RAP1GAP: variants seen among roughly 807,000 people sequenced by gnomAD.
RAP1GAP encodes RAP1 GTPase activating protein.
A neutral mutation model predicts 87.2 loss-of-function variants in RAP1GAP; 35 were observed. The ratio of observed to expected loss-of-function variants is 0.40; its 90% CI spans 0.31 to 0.53. The LOEUF is 0.53. RAP1GAP is among the 20% of genes least tolerant of loss of function. The pLI, the probability that RAP1GAP is intolerant of heterozygous loss-of-function variation, is 0.48. For synonymous variants in RAP1GAP, 375 were observed against 363.9 expected (o/e 1.03, Z -0.35); for missense variants, 734 against 898.9 (o/e 0.82, Z 2.35).
intron 16 of RAP1GAP, 111 bp downstream of exon 16, chr1:21,608,739 C>A: frequency 9.2e-7 from 1 of 1,082,736 alleles, no homozygotes; most frequent in Non-Finnish European, 1.4e-6. Flanking sequence ...CCCCAGGTGT[C>A]CCCGCTAAGG....
chr1:21,639,784 G>C (rs972648271), intron 2 of RAP1GAP, among the ~76,000 whole-genome samples: 16 of 152,126 alleles, frequency 1.1e-4, no homozygotes, highest in Non-Finnish European at 1.3e-4. Context: ...GGCAGCGTCT[G>C]ACACTTTTCC....
chr1:21,614,116 A>G, intron 7 of RAP1GAP, 27 bp from the exon 8 acceptor site: 1 of 1,493,628 alleles, frequency 6.7e-7, no homozygotes, highest in Non-Finnish European at 9.2e-7. Context: ...GGGCCAGGGG[A>G]GTGGGTGAGG....
Position 21,617,511 on chromosome 1 carries a change from A to C in RAP1GAP, c.106-20T>G, listed in dbSNP as rs1423792391. The C allele has an allele frequency of 6.3e-7, 1 of 1,578,722 alleles. No homozygotes were observed. Among genetic ancestry groups the C allele is most frequent in the Admixed American group, 1.8e-5 (1 of 54,228 alleles). ...CAAGACCTGAAGAGGGACTCAGCTG[A>C]GAGCCACCCCACACTGTACCCCACT... On this transcript the variant is annotated intron_variant, in intron 6 of 24. Transcript: ENST00000374765.
intron 1 of RAP1GAP, chr1:21,667,490 G>A (rs957143408): frequency 5.3e-5 from 8 of 152,268 alleles, no homozygotes; most frequent in Admixed American, 3.3e-4. Flanking sequence ...CACCATTATG[G>A]TGCTCCACGG....
intron 1 of RAP1GAP, among the ~76,000 whole-genome samples, chr1:21,665,958 C>T (rs1422303970): frequency 6.6e-6 from 1 of 152,244 alleles, no homozygotes; most frequent in East Asian, 1.9e-4. Flanking sequence ...TTTCCTCATC[C>T]CCCAGCCAGG....
At chr1:21,608,698 C>G (rs1171750030) in intron 16 of RAP1GAP, 152 bp downstream of exon 16, 1 of 780,016 alleles carries the variant, frequency 1.3e-6, no homozygotes, top group Non-Finnish European at 2.1e-6. Context: ...TTCCTCTCCC[C>G]GACCTCCTAC....
chr1:21,598,979 G>A (rs960545076), intron 21 of RAP1GAP, among the ~76,000 whole-genome samples: 4 of 152,252 alleles, frequency 2.6e-5, no homozygotes, highest in Non-Finnish European at 4.4e-5. Context: ...AGGGTGTTCC[G>A]GGCAAAGCCC....
rs1290449420 is a variant in RAP1GAP at position 21,668,962 on chromosome 1, G to A, written c.-149+292C>T. Among the ~76,000 whole-genome samples, 1 of 151,608 alleles carries A rather than the reference G, an allele frequency of 6.6e-6. No individual in the cohort carries two copies. The highest frequency in any genetic ancestry group is 1.5e-5 in the Non-Finnish European group (1 of 67,722). On this transcript the variant is annotated intron_variant, in intron 1 of 24. Coordinates refer to ENST00000374765, the MANE Select transcript of RAP1GAP (RefSeq NM_002885.4). The surrounding 1 kb of genome is among the most constrained non-coding windows in gnomAD (Gnocchi z 6.2). ...GAAAACTGGACTCCCCACCCACCCA[G>A]GGGGGTGGGACCAAAGCCCCCTGGC...
chr1:21,613,871 C>A lies in RAP1GAP; in HGVS notation c.395+115G>T. On this transcript the variant is annotated intron_variant, in intron 8 of 24. Coordinates refer to ENST00000374765, the MANE Select transcript of RAP1GAP (RefSeq NM_002885.4). The surrounding 1 kb of genome is among the most constrained non-coding windows in gnomAD (Gnocchi z 4.7). Reference sequence around the variant, plus strand: ...TACTAACTTGCTGTGCAACCTCAAGCAAATCCCTGCCCCTCTATGGGCCTT... The same window carrying A: ...TACTAACTTGCTGTGCAACCTCAAGAAAATCCCTGCCCCTCTATGGGCCTT... 2 of 1,178,540 alleles carry A rather than the reference C, an allele frequency of 1.7e-6. No individual in the cohort carries two copies. The highest frequency in any genetic ancestry group is 2.4e-6 in the Non-Finnish European group (2 of 817,408). The allele number at this position is 1,178,540 out of a possible 1,614,324, so 73.0% of individuals were successfully genotyped here.
Position 21,598,015 on chromosome 1 carries a change from C to T in RAP1GAP, c.1929G>A (p.Ala643=), listed in dbSNP as rs143193492. 55 of 1,583,338 alleles carry T rather than the reference C, an allele frequency of 3.5e-5. No individual in the cohort carries two copies. The South Asian group carries it at 4.4e-4, about 13-fold the overall frequency. ...HPDAGKLGDP[A]CPEIKIQLEA... is the part of the protein sequence containing the mutation. ...CCAGCTGGATCTTGATCTCGGGACA[C>T]GCAGGGTCCCCCAACTTGCCGGCGT... The change falls in exon 23 of 25, where the codon GCG becomes GCA. Residue 643 remains alanine (A), a synonymous_variant. Coordinates refer to ENST00000374765, the MANE Select transcript of RAP1GAP (RefSeq NM_002885.4).
At chr1:21,655,674 G>T (rs991648672) in intron 1 of RAP1GAP, among the ~76,000 whole-genome samples, 1 of 152,246 alleles carries the variant, frequency 6.6e-6, no homozygotes, top group Non-Finnish European at 1.5e-5. Context: ...CTCCCTCTGA[G>T]AGGAAGCCTC....
Position 21,611,719 on chromosome 1 carries a change from T to G in RAP1GAP, c.710A>C (p.Lys237Thr). The G allele has an allele frequency of 4.3e-6, 7 of 1,612,930 alleles. No homozygotes were observed. Among genetic ancestry groups the G allele is most frequent in the Non-Finnish European group, 5.9e-6 (7 of 1,178,900 alleles). Residue 237 changes from lysine to threonine, a missense_variant, in exon 12 of 25, where the codon AAG becomes ACG. Physicochemically the swap from Lys to Thr is moderately conservative, Grantham distance 78. Transcript: ENST00000374765. ...LGQKVKLQDF[K>T]GFRGGLDVTH... ...CTCAGCCCACCCTAATACTCACCCC[T>G]TAAAGTCCTGCAGTTTGACCTTCTG...
chr1:21,652,480 G>T (rs910213131), intron 1 of RAP1GAP, among the ~76,000 whole-genome samples: 1 of 152,126 alleles, frequency 6.6e-6, no homozygotes, highest in African/African-American at 2.4e-5. Context: ...TGAATGAACA[G>T]AGCCTCCAAT....
chr1:21,640,496 C>G (rs932930930), intron 2 of RAP1GAP, among the ~76,000 whole-genome samples: 4 of 152,192 alleles, frequency 2.6e-5, no homozygotes, highest in Non-Finnish European at 5.9e-5. Flanking sequence ...GAAGCTGTCT[C>G]TACAAGGGTC....
rs946717941 is a variant in RAP1GAP, at chr1:21,599,511, C to T, written c.1759G>A (p.Gly587Arg). The change falls in exon 21 of 25, where the codon GGA becomes AGA. Residue 587 changes from glycine to arginine, a missense_variant. Gly to Arg is a moderately radical substitution (Grantham distance 125). Transcript: ENST00000374765. The stretch of plus-strand genomic sequence containing the variant: ...CCTCTCACCAGGCCTGTGTCCTCTC[C>T]GTCCACACCCTCCGTCTCCTCCACC... Reference protein sequence around the residue: ...SVVEETEGVDGEDTGLESVSS... With the variant: ...SVVEETEGVDREDTGLESVSS... 32 of 1,609,216 alleles carry T rather than the reference C, an allele frequency of 2.0e-5. No homozygotes were observed. The highest frequency in any genetic ancestry group is 3.3e-5 in the Admixed American group (2 of 59,998).
intron 2 of RAP1GAP, among the ~76,000 whole-genome samples, chr1:21,644,172 C>T (rs923551568): frequency 1.3e-5 from 2 of 152,152 alleles, no homozygotes; most frequent in African/African-American, 4.8e-5. Context: ...GGAAGCAGGG[C>T]GTCTCTCTGG....
At chr1:21,658,014 G>A (rs1351651629) in intron 1 of RAP1GAP, among the ~76,000 whole-genome samples, 1 of 152,096 alleles carries the variant, frequency 6.6e-6, no homozygotes, top group Non-Finnish European at 1.5e-5. Context: ...TGACGGGGTC[G>A]CCACTGTCAT....
intron 3 of RAP1GAP, among the ~76,000 whole-genome samples, chr1:21,623,572 C>T (rs1337929565): frequency 2.6e-5 from 4 of 152,364 alleles, no homozygotes; most frequent in Non-Finnish European, 4.4e-5. Context: ...CTGCCCACCA[C>T]CCTCCAGCCC....
At position 21,609,011 on chromosome 1, in the gene RAP1GAP, G is replaced by A. The variant is rs1057252282; in HGVS notation, c.1072-75C>T. 2.7e-5 allele frequency: 33 copies of A among 1,241,406 alleles called. 1 individual carries two copies. Among genetic ancestry groups the A allele is most frequent in the South Asian group, 1.6e-4 (13 of 82,926 alleles). The allele number at this position is 1,241,406 out of a possible 1,614,324, so 76.9% of individuals were successfully genotyped here. ...CATAAACAAGGGTCGGAACCCCAAC[G>A]AGGCAGAGGCTGCAGCTCCTGAACC... On this transcript the variant is annotated intron_variant, in intron 15 of 24. Coordinates refer to ENST00000374765, the MANE Select transcript of RAP1GAP (RefSeq NM_002885.4). The surrounding 1 kb of genome is among the most constrained non-coding windows in gnomAD (Gnocchi z 4.4).
Sources: gnomAD v4.1 joint callset for allele counts (sites outside exome capture counted in the v4.1 genomes callset) on GRCh38, gnomAD v4.1.1 for gene constraint, Gnocchi (gnomAD v3.1) non-coding constraint, MANE v1.5 for transcripts, NCBI Gene and HGNC (gene_info 2026-07-23, HGNC 2026-07-21) for gene names.